The following GNAI1 variants were observed in gnomAD, a reference collection of about 807,000 sequenced individuals.
GNAI1 encodes guanine nucleotide-binding protein G(i) subunit alpha-1.
In GNAI1, 11 loss-of-function variants were observed where a neutral mutation model predicts 38.9. The observed-to-expected ratio is 0.28, with a 90% CI of 0.18 to 0.47. GNAI1 has a LOEUF of 0.47. Ranked by LOEUF, GNAI1 falls within the 20% of genes least tolerant of loss-of-function variation. The pLI is 0.99. For missense variants in GNAI1, 317 were observed against 436.9 expected (o/e 0.73, Z 2.45); for synonymous variants, 166 against 145.1 (o/e 1.14, Z -1.04).
intron 1 of GNAI1, among the ~76,000 whole-genome samples, chr7:80,140,115 C>T (rs1787499433): frequency 1.3e-5 from 2 of 152,010 alleles, no homozygotes; most frequent in Non-Finnish European, 2.9e-5. Flanking sequence ...TCTCAAGTAG[C>T]TGGGACTACA....
chr7:80,135,323 G>A (rs1038047983), intron 1 of GNAI1, 45 bp downstream of exon 1: 36 of 1,153,024 alleles, frequency 3.1e-5, no homozygotes, highest in Middle Eastern at 6.3e-4. Flanking sequence ...GGGGGACCGG[G>A]TGCGGCGCTG....
chr7:80,136,170 G>T (rs1941849192), intron 1 of GNAI1: 3 of 405,990 alleles, frequency 7.4e-6, no homozygotes, highest in South Asian at 2.1e-4. Context: ...AAAATAAAGA[G>T]TAAACCAGGG....
chr7:80,164,233 T>A (rs1164238615), intron 1 of GNAI1, among the ~76,000 whole-genome samples: 1 of 151,436 alleles, frequency 6.6e-6, no homozygotes, highest in Non-Finnish European at 1.5e-5. Context: ...TTAGTAGAGA[T>A]GGAGTTTCAC....
At chr7:80,216,899 T>A (rs1349941517) in intron 7 of GNAI1, among the ~76,000 whole-genome samples, 1 of 152,102 alleles carries the variant, frequency 6.6e-6, no homozygotes, top group Non-Finnish European at 1.5e-5. Flanking sequence ...AAAATACTGA[T>A]CAGCATTCAG....
intron 1 of GNAI1, among the ~76,000 whole-genome samples, chr7:80,161,444 T>G (rs1446825621): frequency 2.0e-5 from 3 of 152,198 alleles, no homozygotes; most frequent in Admixed American, 6.5e-5. Context: ...GAGAAATCTG[T>G]TAGAAGTTGT....
At chr7:80,146,283 G>T (rs1339196820) in intron 1 of GNAI1, among the ~76,000 whole-genome samples, 1 of 152,084 alleles carries the variant, frequency 6.6e-6, no homozygotes. Context: ...AAGCTTGCAG[G>T]CTCTGCCATG....
rs372783127 is a variant in GNAI1 at position 80,135,277 on chromosome 7, C to T, written c.117C>T (p.Leu39=). ...KAAREVKLLL[L]GAGESGKSTI... is the part of the protein sequence containing the mutation. ...CGCGCGAGGTCAAGCTGCTGCTGCTCGGTAAGGGCGGCCGGGTCGGGGCCC... is the reference window on the plus strand; with the variant it reads ...CGCGCGAGGTCAAGCTGCTGCTGCTTGGTAAGGGCGGCCGGGTCGGGGCCC... Residue 39 remains leucine (L), a splice_region_variant and synonymous_variant, in exon 1 of 8, where the codon CTC becomes CTT. Coordinates refer to ENST00000649796, the MANE Select transcript of GNAI1 (RefSeq NM_002069.6). 2 of 1,472,180 alleles carry T rather than the reference C, an allele frequency of 1.4e-6. No homozygotes were observed. Among genetic ancestry groups the T allele is most frequent in the African/African-American group, 1.5e-5 (1 of 68,668 alleles). The allele number at this position is 1,472,180 out of a possible 1,614,324, so 91.2% of individuals were successfully genotyped here.
chr7:80,155,343 C>G lies in GNAI1; in HGVS notation c.118+20065C>G, dbSNP rs1386790683. On this transcript the variant is annotated intron_variant, in intron 1 of 7. Coordinates refer to ENST00000649796, the MANE Select transcript of GNAI1 (RefSeq NM_002069.6). ...AAGTAAACATTCATTGATACATTATCAACTTCAGTAATATCGAATTCTGTA... is the reference window on the plus strand; with the variant it reads ...AAGTAAACATTCATTGATACATTATGAACTTCAGTAATATCGAATTCTGTA... Among the ~76,000 whole-genome samples the G allele has an allele frequency of 2.6e-5, 4 of 152,254 alleles. No homozygotes were observed. In the East Asian group the frequency reaches 7.7e-4, roughly 29 times the overall value.
rs1057046100 is a variant in GNAI1 at position 80,222,623 on chromosome 7, G to A, written c.*5130G>A. On this transcript the variant is annotated 3_prime_UTR_variant, in exon 8 of 8. Coordinates refer to ENST00000649796, the MANE Select transcript of GNAI1 (RefSeq NM_002069.6). ...GCTGGTCTCGAACTCCTGACCTCAG[G>A]TAATCCGCCCACCTCGGCCGCCCAA... Among the ~76,000 whole-genome samples, 1 of 151,914 alleles carries A rather than the reference G, an allele frequency of 6.6e-6. No individual in the cohort carries two copies. The highest frequency in any genetic ancestry group is 2.4e-5 in the African/African-American group (1 of 41,344).
At chr7:80,135,672 C>T in intron 1 of GNAI1, 1 of 242,272 alleles carries the variant, frequency 4.1e-6, no homozygotes, top group Non-Finnish European at 6.2e-6. Flanking sequence ...GCCACCAACC[C>T]CCTCCCGGAA....
intron 1 of GNAI1, among the ~76,000 whole-genome samples, chr7:80,144,398 A>G (rs1442582144): frequency 6.6e-6 from 1 of 152,188 alleles, no homozygotes; most frequent in East Asian, 1.9e-4. Flanking sequence ...ATAGAACTCC[A>G]GGATTATAAC....
At chr7:80,160,186 T>A (rs993974215) in intron 1 of GNAI1, among the ~76,000 whole-genome samples, 2 of 140,618 alleles carry the variant, frequency 1.4e-5, no homozygotes, top group Non-Finnish European at 3.1e-5. Context: ...CTCCTCTAAG[T>A]TAGGTTATTT....
intron 4 of GNAI1, among the ~76,000 whole-genome samples, chr7:80,202,245 A>G (rs991876078): frequency 5.3e-5 from 8 of 151,898 alleles, no homozygotes; most frequent in African/African-American, 7.3e-5. Flanking sequence ...ACGCCTCACC[A>G]CGTCCAGCTG....
At chr7:80,183,034 A>C (rs965888202) in intron 1 of GNAI1, among the ~76,000 whole-genome samples, 1 of 152,150 alleles carries the variant, frequency 6.6e-6, no homozygotes, top group Non-Finnish European at 1.5e-5. Flanking sequence ...GCAGGATGCT[A>C]TCTCCCTTGA....
Position 80,135,050 on chromosome 7 carries a change from C to T in GNAI1, c.-111C>T, listed in dbSNP as rs1389817575. ...TAGGAAGTGGTGGGGGCGGCGTGGCCCCCGTCGGGAGGCGTTCGAACGCCC... is the reference window on the plus strand; with the variant it reads ...TAGGAAGTGGTGGGGGCGGCGTGGCTCCCGTCGGGAGGCGTTCGAACGCCC... On this transcript the variant is annotated 5_prime_UTR_variant, in exon 1 of 8. Coordinates refer to ENST00000649796, the MANE Select transcript of GNAI1 (RefSeq NM_002069.6). The T allele has an allele frequency of 3.5e-6, 2 of 575,008 alleles. No individual in the cohort carries two copies. Among genetic ancestry groups the T allele is most frequent in the Non-Finnish European group, 5.5e-6 (2 of 365,650 alleles). The allele number at this position is 575,008 out of a possible 1,614,324, so 35.6% of individuals were successfully genotyped here. A position where few individuals can be genotyped will look rare whatever the true frequency, so the allele number is the denominator to read the frequency against.
intron 7 of GNAI1, among the ~76,000 whole-genome samples, chr7:80,216,475 G>T (rs547524821): frequency 6.6e-6 from 1 of 152,252 alleles, no homozygotes; most frequent in Non-Finnish European, 1.5e-5. Flanking sequence ...TGAGGTTTTT[G>T]TCCTCACCAG....
intron 1 of GNAI1, among the ~76,000 whole-genome samples, chr7:80,139,702 T>C (rs1001475084): frequency 3.3e-5 from 5 of 152,222 alleles, no homozygotes; most frequent in African/African-American, 1.2e-4. Flanking sequence ...AGCCAAATTA[T>C]GTAAACAAAA....
intron 1 of GNAI1, among the ~76,000 whole-genome samples, chr7:80,167,913 T>G (rs1788038896): frequency 6.6e-6 from 1 of 152,218 alleles, no homozygotes; most frequent in South Asian, 2.1e-4. Context: ...GATTCAGATA[T>G]TATAAAGTTA....
intron 1 of GNAI1, among the ~76,000 whole-genome samples, chr7:80,156,512 T>C (rs574147757): frequency 6.6e-6 from 1 of 151,986 alleles, no homozygotes; most frequent in Non-Finnish European, 1.5e-5. Flanking sequence ...CACTCTAACC[T>C]CAGACTCCTG....
Sources: allele counts gnomAD v4.1 joint callset (sites outside exome capture counted in the v4.1 genomes callset), GRCh38; gene constraint gnomAD v4.1.1; transcripts MANE v1.5; gene names NCBI Gene and HGNC (gene_info 2026-07-23, HGNC 2026-07-21).